Variants in PDZD2 observed in about 807,000 individuals in gnomAD.
PDZD2 encodes PDZ domain containing 2, also known as PDZ domain-containing protein 2.
A neutral mutation model predicts 220.7 loss-of-function variants in PDZD2; 90 were observed. That is an observed-to-expected ratio of 0.41 (90% confidence interval 0.34 to 0.49). The LOEUF (loss-of-function observed/expected upper bound fraction) is 0.49, where lower values mean the gene tolerates loss of function less well. Among genes scored for constraint, PDZD2 ranks in the 20% least tolerant of loss-of-function variants. The probability of loss-of-function intolerance (pLI) is 0.28; values close to 1 mark genes in which losing one functional copy is unlikely to be tolerated. For missense variants in PDZD2, 3,174 were observed against 3,608.5 expected (o/e 0.88, Z 3.08); for synonymous variants, 1,375 against 1,450.5 (o/e 0.95, Z 1.18).
chr5:31,755,159 G>T (rs540506705), intron 1 of PDZD2, among the ~76,000 whole-genome samples: 1 of 152,288 alleles, frequency 6.6e-6, no homozygotes, highest in South Asian at 2.1e-4. Flanking sequence ...TGGACAAACC[G>T]CAGATGCTCA....
At chr5:31,876,117 C>A (rs888347307) in intron 2 of PDZD2, among the ~76,000 whole-genome samples, 1 of 151,954 alleles carries the variant, frequency 6.6e-6, no homozygotes, top group Non-Finnish European at 1.5e-5. Flanking sequence ...TCCAAATATT[C>A]TTTTGTATCC....
Position 31,992,455 on chromosome 5 carries a change from T to C in PDZD2, c.979-3121T>C, listed in dbSNP as rs73751757. Among the ~76,000 whole-genome samples the C allele has an allele frequency of 3.0e-3, 447 of 151,454 alleles. 2 individuals carry two copies. The highest frequency in any genetic ancestry group is 0.01 in the African/African-American group (430 of 41,272). ...TCTGTCAGTATATATATATATACATTTGAGCTGATATTGTATTCCCATGAA... is the reference window on the plus strand; with the variant it reads ...TCTGTCAGTATATATATATATACATCTGAGCTGATATTGTATTCCCATGAA... On this transcript the variant is annotated intron_variant, in intron 3 of 24. Transcript: ENST00000438447.
intron 1 of PDZD2, among the ~76,000 whole-genome samples, chr5:31,758,720 TC>T (rs1000643439): frequency 8.5e-5 from 13 of 152,250 alleles, no homozygotes; most frequent in African/African-American, 3.1e-4. Context: ...TCCATCCTCA[TC>T]TTAACCTGGC....
At chr5:31,923,388 GC>G (rs1482852319) in intron 2 of PDZD2, 9 of 1,245,184 alleles carry the variant, frequency 7.2e-6, no homozygotes, top group Non-Finnish European at 1.1e-5. Flanking sequence ...GAGCAAAGAG[GC>G]CAAGCAGAGA....
intron 1 of PDZD2, among the ~76,000 whole-genome samples, chr5:31,769,967 A>G (rs986805591): frequency 1.3e-5 from 2 of 152,198 alleles, no homozygotes; most frequent in Non-Finnish European, 1.5e-5. Flanking sequence ...TTTGTAACTC[A>G]TCTGTCCTCT....
intron 1 of PDZD2, among the ~76,000 whole-genome samples, chr5:31,694,800 T>TA (rs1335468207): frequency 5.6e-5 from 8 of 144,008 alleles, no homozygotes; most frequent in African/African-American, 2.1e-4. Context: ...TTTATTTATT[T>TA]TTTTTTTGTG....
chr5:32,093,125 C>T (rs1283653357), intron 21 of PDZD2, 101 bp downstream of exon 21: 3 of 682,408 alleles, frequency 4.4e-6, no homozygotes, highest in Non-Finnish European at 5.3e-6. Context: ...CGCCCCGAGT[C>T]CTGGAGAGGG....
intron 2 of PDZD2, chr5:31,840,446 A>ATATATT (rs1561499439): frequency 4.5e-4 from 31 of 69,036 alleles, no homozygotes; most frequent in Non-Finnish European, 5.7e-4. Context: ...ATATATATAT[A>ATATATT]TATTTGTTTA....
At chr5:32,071,892 G>A (rs1245305181) in intron 16 of PDZD2, among the ~76,000 whole-genome samples, 5 of 152,150 alleles carry the variant, frequency 3.3e-5, no homozygotes, top group Admixed American at 6.5e-5. Context: ...TGGCTGATGT[G>A]TTGCTGCTGT....
chr5:31,806,359 T>C (rs1423406870), intron 2 of PDZD2, among the ~76,000 whole-genome samples: 2 of 152,234 alleles, frequency 1.3e-5, no homozygotes, highest in Non-Finnish European at 2.9e-5. Context: ...ACAGAACTTC[T>C]GTACCCCAGA....
At chr5:31,776,450 T>TTTA (rs1752650180) in intron 1 of PDZD2, among the ~76,000 whole-genome samples, 1 of 139,102 alleles carries the variant, frequency 7.2e-6, no homozygotes, top group Non-Finnish European at 1.5e-5. Flanking sequence ...TGTGTTTTTA[T>TTTA]TTTATTTATT....
chr5:32,022,002 G>A (rs544493238), intron 6 of PDZD2, among the ~76,000 whole-genome samples: 2 of 152,130 alleles, frequency 1.3e-5, no homozygotes, highest in South Asian at 2.1e-4. Context: ...GGCATTGTAC[G>A]AATCAATGCT....
intron 1 of PDZD2, among the ~76,000 whole-genome samples, chr5:31,689,353 A>ATATATATATATTTTTTTTTTTTT: frequency 2.8e-5 from 1 of 35,142 alleles, no homozygotes; most frequent in Non-Finnish European, 4.2e-5. Flanking sequence ...ATATATATAT[A>ATATATATATATTTTTTTTTTTTT]TTTTTTTTTT....
chr5:31,651,269 T>C (rs546764379), intron 1 of PDZD2, among the ~76,000 whole-genome samples: 1 of 152,040 alleles, frequency 6.6e-6, no homozygotes, highest in Non-Finnish European at 1.5e-5. Flanking sequence ...ATATAGCTGC[T>C]CTCCTGCAGA....
At chr5:31,771,003 C>T (rs942662690) in intron 1 of PDZD2, among the ~76,000 whole-genome samples, 6 of 152,010 alleles carry the variant, frequency 3.9e-5, no homozygotes, top group African/African-American at 1.5e-4. Context: ...ATTAGGGAAG[C>T]TTGCTATTTA....
At chr5:32,038,873 G>C (rs1342043158) in intron 7 of PDZD2, among the ~76,000 whole-genome samples, 1 of 152,156 alleles carries the variant, frequency 6.6e-6, no homozygotes, top group Non-Finnish European at 1.5e-5. Flanking sequence ...CCTGAAAAAA[G>C]AGGAGAACAC....
At chr5:31,728,397 A>G (rs1433335754) in intron 1 of PDZD2, among the ~76,000 whole-genome samples, 1 of 152,228 alleles carries the variant, frequency 6.6e-6, no homozygotes, top group Non-Finnish European at 1.5e-5. Flanking sequence ...ACATTAAAAA[A>G]AAGAATTTGG....
chr5:31,771,583 A>C (rs895009946), intron 1 of PDZD2, among the ~76,000 whole-genome samples: 2 of 152,212 alleles, frequency 1.3e-5, no homozygotes, highest in African/African-American at 4.8e-5. Flanking sequence ...CAGGAGGTCT[A>C]ACTCAAAAAG....
intron 1 of PDZD2, among the ~76,000 whole-genome samples, chr5:31,758,733 C>T (rs1318227081): frequency 6.6e-6 from 1 of 152,134 alleles, no homozygotes; most frequent in Non-Finnish European, 1.5e-5. Context: ...TAACCTGGCC[C>T]CTTCCATCTT....
Sources: gnomAD v4.1 joint callset for allele counts (sites outside exome capture counted in the v4.1 genomes callset) on GRCh38, gnomAD v4.1.1 for gene constraint, MANE v1.5 for transcripts, NCBI Gene and HGNC (gene_info 2026-07-23, HGNC 2026-07-21) for gene names.